Variants in BAIAP2L1 observed in about 807,000 individuals in gnomAD.
The protein encoded by BAIAP2L1 is BAR/IMD domain containing adaptor protein 2 like 1, also known as BAR/IMD domain-containing adapter protein 2-like 1.
Under a neutral mutation model 66.3 loss-of-function variants are expected in BAIAP2L1, and 35 were observed. That is an observed-to-expected ratio of 0.53 (90% CI 0.40 to 0.70). The LOEUF is 0.70. Among genes scored for constraint, BAIAP2L1 ranks in the 30% least tolerant of loss-of-function variants. The pLI is 0.00. For synonymous variants in BAIAP2L1, 269 were observed against 248.7 expected (o/e 1.08, Z -0.77); for missense variants, 622 against 656.9 (o/e 0.95, Z 0.58).
In BAIAP2L1 at chr7:98,292,654, C is replaced by T. The variant is rs1198270558; in HGVS notation, c.*867G>A. The T allele has an allele frequency of 4.5e-6, 7 of 1,551,664 alleles. No homozygotes were observed. In the East Asian group the frequency reaches 7.3e-5, roughly 16 times the overall value. Reference sequence around the variant, plus strand: ...CCTTCTCCAGGCACCAGAGGTCATCCTGGCTTTACACGTATCCTTTGAGAG... The same window carrying T: ...CCTTCTCCAGGCACCAGAGGTCATCTTGGCTTTACACGTATCCTTTGAGAG... On this transcript the variant is annotated 3_prime_UTR_variant, in exon 14 of 14. Transcript: ENST00000005260.
At chr7:98,352,081 C>CTT (rs11390193) in intron 3 of BAIAP2L1, among the ~76,000 whole-genome samples, 45 of 148,058 alleles carry the variant, frequency 3.0e-4, no homozygotes, top group Admixed American at 1.3e-3. Flanking sequence ...TATCTTTGGT[C>CTT]TTTTTTTTTT....
intron 1 of BAIAP2L1, among the ~76,000 whole-genome samples, chr7:98,383,193 A>AG (rs1354352632): frequency 3.3e-5 from 5 of 151,974 alleles, no homozygotes; most frequent in East Asian, 3.9e-4. Context: ...AACAAACAAA[A>AG]AAAAGAAAAG....
chr7:98,300,390 T>C (rs1475436132), intron 12 of BAIAP2L1, among the ~76,000 whole-genome samples: 1 of 152,126 alleles, frequency 6.6e-6, no homozygotes, highest in Admixed American at 6.5e-5. Flanking sequence ...CTAACAGGAG[T>C]GCTGTCTACA....
At chr7:98,359,754 T>TG (rs907263732) in intron 2 of BAIAP2L1, among the ~76,000 whole-genome samples, 5 of 149,090 alleles carry the variant, frequency 3.4e-5, no homozygotes, top group African/African-American at 1.2e-4. Context: ...GGTTTTTTTT[T>TG]TTTTTTTTTT....
chr7:98,334,233 G>A (rs374650570), intron 3 of BAIAP2L1, among the ~76,000 whole-genome samples: 1 of 152,112 alleles, frequency 6.6e-6, no homozygotes, highest in Non-Finnish European at 1.5e-5. Context: ...GCTACTAACA[G>A]CCCTGCCTTC....
At position 98,292,979 on chromosome 7, in the gene BAIAP2L1, T is replaced by C. The variant is rs902568093; in HGVS notation, c.*542A>G. On this transcript the variant is annotated 3_prime_UTR_variant, in exon 14 of 14. Transcript: ENST00000005260. ...TGGAGGGAGGGTGGGGGTTTCTCCA[T>C]CTCTGGAAGCTCTACACTTAAACAT... 33 of 1,193,898 alleles carry C rather than the reference T, an allele frequency of 2.8e-5. No homozygotes were observed. In the Middle Eastern group the frequency reaches 1.3e-3, roughly 49 times the overall value. The allele number at this position is 1,193,898 out of a possible 1,614,324, so 74.0% of individuals were successfully genotyped here.
At chr7:98,325,636 C>T (rs1289423762) in intron 3 of BAIAP2L1, among the ~76,000 whole-genome samples, 2 of 152,110 alleles carry the variant, frequency 1.3e-5, no homozygotes, top group Non-Finnish European at 2.9e-5. Flanking sequence ...CAAGGTCGTG[C>T]TACTGCACTC....
chr7:98,394,100 G>A (rs138877152), intron 1 of BAIAP2L1, among the ~76,000 whole-genome samples: 2,995 of 151,994 alleles, frequency 0.02, 99 homozygotes, highest in African/African-American at 0.068. Flanking sequence ...AAAATTAGCC[G>A]GGCGTGGTGG....
intron 1 of BAIAP2L1, among the ~76,000 whole-genome samples, chr7:98,377,222 G>A (rs1802654471): frequency 6.6e-6 from 1 of 152,124 alleles, no homozygotes; most frequent in Non-Finnish European, 1.5e-5. Flanking sequence ...TCTATTTCTT[G>A]ACTGACAGGC....
At chr7:98,370,367 C>T (rs1413277562) in intron 1 of BAIAP2L1, among the ~76,000 whole-genome samples, 5 of 76,908 alleles carry the variant, frequency 6.5e-5, no homozygotes, top group East Asian at 4.3e-4. Flanking sequence ...AGTAAGGCTC[C>T]GTCTCAAAAA....
At chr7:98,315,041 A>C (rs1272468152) in intron 7 of BAIAP2L1, among the ~76,000 whole-genome samples, 1 of 152,232 alleles carries the variant, frequency 6.6e-6, no homozygotes, top group African/African-American at 2.4e-5. Flanking sequence ...GTTTCTCTGG[A>C]ATCTTTTCAT....
intron 3 of BAIAP2L1, among the ~76,000 whole-genome samples, chr7:98,341,930 C>T (rs1801749042): frequency 1.3e-5 from 2 of 149,506 alleles, no homozygotes; most frequent in Non-Finnish European, 3.0e-5. Context: ...TGGCTCAGCT[C>T]AGCTCTTTCC....
At chr7:98,364,573 T>C (rs1197591904) in intron 1 of BAIAP2L1, among the ~76,000 whole-genome samples, 2 of 152,016 alleles carry the variant, frequency 1.3e-5, no homozygotes, top group Admixed American at 6.5e-5. Flanking sequence ...ATCTAAGAAC[T>C]AATGCGTGAG....
chr7:98,305,985 A>G (rs1800641725), intron 11 of BAIAP2L1, among the ~76,000 whole-genome samples: 1 of 152,126 alleles, frequency 6.6e-6, no homozygotes, highest in Non-Finnish European at 1.5e-5. Context: ...ACTGATGTTT[A>G]ATTGATGGGC....
At chr7:98,380,457 G>A (rs1397460779) in intron 1 of BAIAP2L1, among the ~76,000 whole-genome samples, 1 of 151,876 alleles carries the variant, frequency 6.6e-6, no homozygotes, top group East Asian at 1.9e-4. Flanking sequence ...CAGCAAAAGC[G>A]GAAACCCCTG....
At position 98,312,336 on chromosome 7, in the gene BAIAP2L1, C is replaced by G. The variant is rs1028251058; in HGVS notation, c.640-72G>C. 3 of 1,475,726 alleles carry G rather than the reference C, an allele frequency of 2.0e-6. No individual in the cohort carries two copies. In the East Asian group the frequency reaches 6.9e-5, roughly 34 times the overall value. 91.4% of individuals were successfully genotyped at this position (1,475,726 alleles called of 1,614,324 possible). ...AGAGCTGAGAAAAATGACATCACGT[C>G]ATATCGCTGATAACAGATTACTGGC... On this transcript the variant is annotated intron_variant, in intron 7 of 13. Transcript: ENST00000005260.
At chr7:98,318,772 G>A (rs559555498) in intron 5 of BAIAP2L1, among the ~76,000 whole-genome samples, 23 of 151,438 alleles carry the variant, frequency 1.5e-4, no homozygotes, top group South Asian at 6.3e-4. Context: ...GTGAAACCCC[G>A]TCTCTACTAA....
Sources: allele counts gnomAD v4.1 joint callset (sites outside exome capture counted in the v4.1 genomes callset), GRCh38; gene constraint gnomAD v4.1.1; transcripts MANE v1.5; gene names NCBI Gene and HGNC (gene_info 2026-07-23, HGNC 2026-07-21).